Variants in PLCB4 observed in about 807,000 individuals in gnomAD.
PLCB4 encodes the protein phospholipase C beta 4, also known as 1-phosphatidylinositol 4,5-bisphosphate phosphodiesterase beta-4.
Under a neutral mutation model 178.8 loss-of-function variants are expected in PLCB4, and 77 were observed. That is an observed-to-expected ratio of 0.43 (90% CI 0.36 to 0.52). The LOEUF (loss-of-function observed/expected upper bound fraction) is 0.52, where lower values mean the gene tolerates loss of function less well. Among genes scored for constraint, PLCB4 ranks in the 20% least tolerant of loss-of-function variants. The pLI is 0.00. For synonymous variants in PLCB4, 496 were observed against 490.8 expected (o/e 1.01, Z -0.14); for missense variants, 1,024 against 1,453.4 (o/e 0.70, Z 4.80).
intron 2 of PLCB4, among the ~76,000 whole-genome samples, chr20:9,195,342 T>A (rs1341022802): frequency 1.3e-5 from 2 of 152,196 alleles, no homozygotes; most frequent in African/African-American, 4.8e-5. Context: ...GTTTCTGTGT[T>A]GGTTAATTTT....
chr20:9,260,379 T>C (rs2147540713), intron 3 of PLCB4, among the ~76,000 whole-genome samples: 1 of 152,278 alleles, frequency 6.6e-6, no homozygotes, highest in East Asian at 1.9e-4. Flanking sequence ...GGATATCTTG[T>C]GTAGTTTTTT....
chr20:9,256,397 A>G (rs1168815888), intron 3 of PLCB4, among the ~76,000 whole-genome samples: 1 of 152,228 alleles, frequency 6.6e-6, no homozygotes, highest in Non-Finnish European at 1.5e-5. Context: ...GCAAGGAGAA[A>G]AAAAGAAAGC....
rs369241544 is a variant in PLCB4 at position 9,204,374 on chromosome 20, G to A, written c.-78-13016G>A. On this transcript the variant is annotated intron_variant, in intron 2 of 39. Transcript: ENST00000378473. ...AAGCTCTAAGATTTTTTTTGCGGGG[G>A]TGGGGATCGAGTCTTGCTCTGTTGA... Among the ~76,000 whole-genome samples the A allele has an allele frequency of 2.1e-4, 32 of 151,688 alleles. No homozygotes were observed. The East Asian group carries it at 3.5e-3, about 17-fold the overall frequency.
At chr20:9,184,648 AT>A (rs1170854255) in intron 2 of PLCB4, among the ~76,000 whole-genome samples, 16 of 148,938 alleles carry the variant, frequency 1.1e-4, no homozygotes, top group African/African-American at 3.0e-4. Context: ...TTAGGAGGCA[AT>A]TTTTTTTTAT....
rs548007318 is a variant in PLCB4 at position 9,241,178 on chromosome 20, A to G, written c.-16+23726A>G. Among the ~76,000 whole-genome samples, 609 of 152,252 alleles carry G rather than the reference A, an allele frequency of 4.0e-3. 4 individuals are homozygous for G. Among genetic ancestry groups the G allele is most frequent in the African/African-American group, 0.014 (592 of 41,550 alleles). On this transcript the variant is annotated intron_variant, in intron 3 of 39. Transcript: ENST00000378473. ...TACAAAGGAAATGCTTACTTGAATG[A>G]AGGCTTCTCTGATTTCTTTGTTACC...
intron 2 of PLCB4, among the ~76,000 whole-genome samples, chr20:9,202,924 A>G (rs1366701416): frequency 6.6e-6 from 1 of 151,832 alleles, no homozygotes; most frequent in Non-Finnish European, 1.5e-5. Flanking sequence ...CTCCAGCTCC[A>G]TCAAAAAAAC....
intron 4 of PLCB4, among the ~76,000 whole-genome samples, chr20:9,321,550 T>G (rs1283218734): frequency 6.6e-6 from 1 of 152,322 alleles, no homozygotes; most frequent in East Asian, 1.9e-4. Flanking sequence ...CTTAGGGAAA[T>G]GAGAATGGGA....
chr20:9,193,098 T>G (rs2093426073), intron 2 of PLCB4, among the ~76,000 whole-genome samples: 1 of 152,232 alleles, frequency 6.6e-6, no homozygotes, highest in Admixed American at 6.5e-5. Flanking sequence ...CAAATATTTA[T>G]TGAGCACCTA....
intron 4 of PLCB4, among the ~76,000 whole-genome samples, chr20:9,334,366 G>C (rs955335259): frequency 6.6e-6 from 1 of 152,112 alleles, no homozygotes; most frequent in Admixed American, 6.6e-5. Context: ...ATGAAGAGAG[G>C]TAATGGAAAC....
At chr20:9,257,641 A>T (rs1432844649) in intron 3 of PLCB4, among the ~76,000 whole-genome samples, 1 of 152,198 alleles carries the variant, frequency 6.6e-6, no homozygotes, top group Non-Finnish European at 1.5e-5. Context: ...CTTCATTTTG[A>T]TGGGTACAAA....
At chr20:9,306,744 A>C (rs902514706) in intron 3 of PLCB4, among the ~76,000 whole-genome samples, 21 of 152,198 alleles carry the variant, frequency 1.4e-4, no homozygotes, top group Admixed American at 1.1e-3. Flanking sequence ...TTTGGGTTGT[A>C]GTTATTGCAT....
At chr20:9,329,396 T>C (rs187357847) in intron 4 of PLCB4, among the ~76,000 whole-genome samples, 2 of 152,180 alleles carry the variant, frequency 1.3e-5, no homozygotes, top group Non-Finnish European at 2.9e-5. Context: ...ACCTCCCTCA[T>C]AGGAATGTTG....
At chr20:9,228,337 G>A (rs931882218) in intron 3 of PLCB4, among the ~76,000 whole-genome samples, 1 of 152,174 alleles carries the variant, frequency 6.6e-6, no homozygotes, top group African/African-American at 2.4e-5. Context: ...AAGAAGGCAG[G>A]TGATTTTCCT....
rs138007995 is a variant in PLCB4 at position 9,462,104 on chromosome 20, G to A, written c.3248+2294G>A. Among the ~76,000 whole-genome samples, 1,329 of 152,256 alleles carry A rather than the reference G, an allele frequency of 8.7e-3. 21 individuals carry two copies. The highest frequency in any genetic ancestry group is 0.03 in the African/African-American group (1,261 of 41,552). On this transcript the variant is annotated intron_variant, in intron 35 of 39. Coordinates refer to ENST00000378473, the MANE Select transcript of PLCB4 (RefSeq NM_001377142.1). ...ATTTGCTGTTCTGCAGCCTCCGCTG[G>A]TGATACCCAGGCAAACAGGGTCTGG...
At chr20:9,473,114 TC>T in intron 37 of PLCB4, among the ~76,000 whole-genome samples, 164 bp from the exon 38 acceptor site, 3 of 152,296 alleles carry the variant, frequency 2.0e-5, no homozygotes, top group Middle Eastern at 6.8e-3. Context: ...GGAAAGATCT[TC>T]CCAGAAATAA....
At chr20:9,216,007 GA>G (rs2093727065) in intron 2 of PLCB4, among the ~76,000 whole-genome samples, 1 of 152,092 alleles carries the variant, frequency 6.6e-6, no homozygotes, top group Non-Finnish European at 1.5e-5. Flanking sequence ...TGTATTATAT[GA>G]ATGTACCAAC....
At chr20:9,206,383 GT>G (rs2147216885) in intron 2 of PLCB4, among the ~76,000 whole-genome samples, 1 of 146,774 alleles carries the variant, frequency 6.8e-6, no homozygotes, top group South Asian at 2.1e-4. Flanking sequence ...TTTTCATCAG[GT>G]TAGGCAGCAG....
chr20:9,398,902 C>T (rs1267758997), intron 19 of PLCB4, among the ~76,000 whole-genome samples: 1 of 152,180 alleles, frequency 6.6e-6, no homozygotes, highest in Non-Finnish European at 1.5e-5. Context: ...AAGATTCAAT[C>T]CCAGAGCTAC....
At chr20:9,248,954 T>G (rs2094152202) in intron 3 of PLCB4, among the ~76,000 whole-genome samples, 1 of 152,194 alleles carries the variant, frequency 6.6e-6, no homozygotes, top group Non-Finnish European at 1.5e-5. Context: ...TTCTGGGGGC[T>G]CCTGAGGGGG....
Sources: gnomAD v4.1 joint callset for allele counts (sites outside exome capture counted in the v4.1 genomes callset) on GRCh38, gnomAD v4.1.1 for gene constraint, MANE v1.5 for transcripts, NCBI Gene and HGNC (gene_info 2026-07-23, HGNC 2026-07-21) for gene names.